The following MTCL1 variants were observed in gnomAD, a reference collection of about 807,000 sequenced individuals.
MTCL1 encodes the protein microtubule cross-linking factor 1.
A neutral mutation model predicts 141.4 loss-of-function variants in MTCL1; 79 were observed. That is an observed-to-expected ratio of 0.56 (90% CI 0.47 to 0.67). The LOEUF is 0.67. MTCL1 is among the 30% of genes least tolerant of loss of function. MTCL1 has a pLI of 0.00. For synonymous variants in MTCL1, 914 were observed against 875.8 expected (o/e 1.04, Z -0.77); for missense variants, 2,177 against 2,113.9 (o/e 1.03, Z -0.59).
In MTCL1 at chr18:8,824,143, C is replaced by T. The variant is rs548988295; in HGVS notation, c.3189-556C>T. Among the ~76,000 whole-genome samples, 20 of 152,322 alleles carry T rather than the reference C, an allele frequency of 1.3e-4. No individual in the cohort carries two copies. In the East Asian group the frequency reaches 2.5e-3, roughly 19 times the overall value. ...TCTTTGCCCTGGTGGTAGTCGTGCC[C>T]GAGCACTCCGGCCACTTTCTGTCTT... On this transcript the variant is annotated intron_variant, in intron 14 of 16. Coordinates refer to ENST00000359865, the Ensembl canonical transcript of MTCL1.
At chr18:8,745,806 C>A (rs950588037) in intron 4 of MTCL1, among the ~76,000 whole-genome samples, 5 of 152,186 alleles carry the variant, frequency 3.3e-5, no homozygotes, top group African/African-American at 1.2e-4. Flanking sequence ...AGTACATTCA[C>A]ATTGTTGAGC....
chr18:8,732,140 T>A (rs1189158770), intron 4 of MTCL1, among the ~76,000 whole-genome samples: 1 of 152,132 alleles, frequency 6.6e-6, no homozygotes, highest in African/African-American at 2.4e-5. Flanking sequence ...CTCGCTCTGT[T>A]GCCCAGGGAT....
At chr18:8,791,824 T>C (rs1302896877) in intron 7 of MTCL1, among the ~76,000 whole-genome samples, 2 of 152,166 alleles carry the variant, frequency 1.3e-5, no homozygotes, top group Non-Finnish European at 2.9e-5. Flanking sequence ...TGTCAGAAAT[T>C]ACTGAGTTTT....
At chr18:8,784,058 G>C (rs1478639869) in exon 6 of MTCL1, 1 of 1,613,464 alleles carries the variant, frequency 6.2e-7, no homozygotes. Context: ...GCCTCCCCGG[G>C]AGCCGGGCTG....
intron 11 of MTCL1, chr18:8,809,327 A>C: frequency 8.1e-7 from 1 of 1,241,668 alleles, no homozygotes; most frequent in Non-Finnish European, 1.1e-6. Flanking sequence ...ACTAAAATTT[A>C]GCATGTCCTC....
At chr18:8,715,161 A>G (rs922927708), upstream of MTCL1, among the ~76,000 whole-genome samples, 1 of 152,170 alleles carries the variant, frequency 6.6e-6, no homozygotes, top group Non-Finnish European at 1.5e-5. Context: ...TGCTATTTAC[A>G]TCTGGTCTGC....
In MTCL1 at chr18:8,777,882, C is replaced by T. The variant is rs752236595; in HGVS notation, c.407C>T (p.Thr136Ile). Residue 136 changes from threonine (T) to isoleucine (I), a missense_variant, in exon 5 of 17, where the codon ACC becomes ATC. By Grantham distance (89) the Thr-to-Ile change is moderately conservative. Coordinates refer to ENST00000359865, the Ensembl canonical transcript of MTCL1. ...CGGGAAATGTACAAGGAGAAGAAAA[C>T]CTTTAACCAGGTAAGCAGAGGTTTT... is the stretch of plus-strand genomic sequence containing the variant. 3 of 1,613,678 alleles carry T rather than the reference C, an allele frequency of 1.9e-6. No individual in the cohort carries two copies. The East Asian group carries it at 6.7e-5, about 36-fold the overall frequency.
Position 8,796,472 on chromosome 18 carries a change from C to T in MTCL1, c.2241+10C>T. Reference sequence around the variant, plus strand: ...AGAGGAGTTCACTGAGGTAACTCCACTGTCGAATTCCTTTTATTTGCATCT... The same window carrying T: ...AGAGGAGTTCACTGAGGTAACTCCATTGTCGAATTCCTTTTATTTGCATCT... On this transcript the variant is annotated intron_variant, in intron 9 of 16. Coordinates refer to ENST00000359865, the Ensembl canonical transcript of MTCL1. 6.2e-7 allele frequency: 1 copy of T among 1,613,498 alleles called. No individual in the cohort carries two copies. The highest frequency in any genetic ancestry group is 1.1e-5 in the South Asian group (1 of 91,008).
At chr18:8,714,987 A>C (rs146321412), upstream of MTCL1, among the ~76,000 whole-genome samples, 7 of 152,108 alleles carry the variant, frequency 4.6e-5, no homozygotes, top group African/African-American at 7.2e-5. Context: ...TAGTAGAGAC[A>C]GGGTTTCACT....
intron 4 of MTCL1, among the ~76,000 whole-genome samples, chr18:8,774,156 TGAG>T (rs2096495626): frequency 6.6e-6 from 1 of 152,200 alleles, no homozygotes; most frequent in African/African-American, 2.4e-5. Flanking sequence ...TGATTTGTCC[TGAG>T]GGCCATGGTT....
intron 4 of MTCL1, among the ~76,000 whole-genome samples, chr18:8,735,807 G>C (rs1273524890): frequency 6.6e-6 from 1 of 152,206 alleles, no homozygotes; most frequent in Non-Finnish European, 1.5e-5. Context: ...AGCTCAGGGA[G>C]AGTAGGTGGC....
At chr18:8,765,060 A>G (rs997988503) in intron 4 of MTCL1, among the ~76,000 whole-genome samples, 4 of 152,330 alleles carry the variant, frequency 2.6e-5, no homozygotes, top group African/African-American at 9.6e-5. Flanking sequence ...TGGCAAGAAG[A>G]ACAAGTGAGT....
chr18:8,786,171 C>T, intron 7 of MTCL1, 80 bp downstream of exon 6: 1 of 1,390,404 alleles, frequency 7.2e-7, no homozygotes, highest in South Asian at 1.2e-5. Context: ...GTTTTCTGTC[C>T]CGGACGAGGC....
exon 15 of MTCL1, chr18:8,825,907 C>T (rs2077007936): frequency 6.2e-7 from 1 of 1,611,138 alleles, no homozygotes; most frequent in South Asian, 1.1e-5. Context: ...GGGCTGCGGG[C>T]CGGCAGTCGG....
chr18:8,821,706 G>A (rs575578997), intron 14 of MTCL1, among the ~76,000 whole-genome samples: 50 of 152,292 alleles, frequency 3.3e-4, no homozygotes, highest in Non-Finnish European at 5.9e-4. Context: ...TGTGTCACAT[G>A]TGTATGAGTT....
At chr18:8,803,255 C>T (rs1012524854) in intron 10 of MTCL1, among the ~76,000 whole-genome samples, 11 of 151,956 alleles carry the variant, frequency 7.2e-5, no homozygotes, top group East Asian at 1.9e-4. Context: ...CTTTGGAACG[C>T]GACAACCTGG....
At chr18:8,720,412 T>C (rs781057825) in exon 4 of MTCL1, 15 of 1,614,070 alleles carry the variant, frequency 9.3e-6, no homozygotes, top group Non-Finnish European at 1.2e-5. Flanking sequence ...AAGCTGAGGA[T>C]GAAAACGAAA....
chr18:8,770,935 G>C (rs945367127), intron 4 of MTCL1, among the ~76,000 whole-genome samples: 4 of 151,880 alleles, frequency 2.6e-5, no homozygotes, highest in Non-Finnish European at 5.9e-5. Flanking sequence ...TAAAGGGATA[G>C]GTGAAAACAT....
At chr18:8,814,142 C>T (rs651219) in intron 12 of MTCL1, among the ~76,000 whole-genome samples, 52,975 of 152,002 alleles carry the variant, frequency 0.35, 9,591 homozygotes, top group East Asian at 0.56. Context: ...TATCCATAGA[C>T]ATGGTGCCTG....
Sources: allele counts gnomAD v4.1 joint callset (sites outside exome capture counted in the v4.1 genomes callset), GRCh38; gene constraint gnomAD v4.1.1; transcripts MANE v1.5; gene names NCBI Gene and HGNC (gene_info 2026-07-23, HGNC 2026-07-21).